GALNT13: variants seen among roughly 807,000 people sequenced by gnomAD.
GALNT13 encodes UDP-GalNAc:polypeptide N-acetylgalactosaminyltransferase 13.
GALNT13 carries 28 observed loss-of-function variants against 64.2 expected under a neutral mutation model. The observed-to-expected ratio is 0.44, with a 90% CI of 0.32 to 0.60. The LOEUF (loss-of-function observed/expected upper bound fraction) is 0.60, where lower values mean the gene tolerates loss of function less well. Ranked by LOEUF, GALNT13 falls within the 20% of genes least tolerant of loss-of-function variation. The pLI is 0.05. For missense variants in GALNT13, 577 were observed against 669.8 expected (o/e 0.86, Z 1.53); for synonymous variants, 214 against 224.6 (o/e 0.95, Z 0.42).
At chr2:153,222,332 T>TGGGGGGGGGGGGGGGGGGGGGGGG in the GALNT13 span, among the ~76,000 whole-genome samples, 3 of 103,788 alleles carry the variant, frequency 2.9e-5, no homozygotes, top group Non-Finnish European at 3.9e-5. Flanking sequence ...GGGGGTGGGG[T>TGGGGGGGGGGGGGGGGGGGGGGGG]GGGGGGGGGG....
chr2:154,227,027 G>A (rs1412249499), intron 4 of GALNT13, among the ~76,000 whole-genome samples: 1 of 152,086 alleles, frequency 6.6e-6, no homozygotes, highest in Admixed American at 6.6e-5. Flanking sequence ...GCAATTATCT[G>A]CATGACTTTC....
At chr2:154,417,893 T>C (rs62172334) in intron 11 of GALNT13, among the ~76,000 whole-genome samples, 59,470 of 151,922 alleles carry the variant, frequency 0.39, 13,016 homozygotes, top group Admixed American at 0.51. Flanking sequence ...TTTTTTCTGC[T>C]TTTCAATATA....
At chr2:154,326,326 C>T (rs1178044780) in intron 9 of GALNT13, among the ~76,000 whole-genome samples, 1 of 95,074 alleles carries the variant, frequency 1.1e-5, no homozygotes, top group Admixed American at 1.2e-4. Flanking sequence ...GGGATTTCTG[C>T]AAAAAAAAAA....
At chr2:153,954,737 A>G (rs1692445918) in intron 3 of GALNT13, among the ~76,000 whole-genome samples, 2 of 152,022 alleles carry the variant, frequency 1.3e-5, no homozygotes, top group Non-Finnish European at 2.9e-5. Context: ...ATACCCATTT[A>G]CAAATGAGAA....
chr2:153,375,145 T>C, the GALNT13 span, among the ~76,000 whole-genome samples: 5 of 152,272 alleles, frequency 3.3e-5, no homozygotes, highest in Non-Finnish European at 4.4e-5. Context: ...CCATGTTTAC[T>C]TTTACTACTT....
chr2:153,618,101 A>G, the GALNT13 span, among the ~76,000 whole-genome samples: 1 of 151,672 alleles, frequency 6.6e-6, no homozygotes. Flanking sequence ...CTAGTTCTTT[A>G]AGATATATTG....
the GALNT13 span, among the ~76,000 whole-genome samples, chr2:153,336,415 C>T: frequency 6.6e-6 from 1 of 152,148 alleles, no homozygotes; most frequent in African/African-American, 2.4e-5. Flanking sequence ...GGAAACCCAC[C>T]TCTTGCATCA....
At chr2:153,074,743 T>C in the GALNT13 span, among the ~76,000 whole-genome samples, 1 of 152,182 alleles carries the variant, frequency 6.6e-6, no homozygotes, top group Non-Finnish European at 1.5e-5. Context: ...TAGTGATTAT[T>C]GATTATTATT....
At chr2:153,438,213 T>A in the GALNT13 span, among the ~76,000 whole-genome samples, 1 of 152,246 alleles carries the variant, frequency 6.6e-6, no homozygotes, top group Admixed American at 6.5e-5. Flanking sequence ...TCTGATGGAC[T>A]TCCCTTTGTG....
At chr2:153,810,408 C>T in the GALNT13 span, among the ~76,000 whole-genome samples, 1 of 152,156 alleles carries the variant, frequency 6.6e-6, no homozygotes, top group Non-Finnish European at 1.5e-5. Flanking sequence ...ATCTACATTA[C>T]ATATTAAGAG....
the GALNT13 span, among the ~76,000 whole-genome samples, chr2:153,651,164 T>A: frequency 2.0e-5 from 3 of 150,358 alleles, no homozygotes; most frequent in African/African-American, 7.4e-5. Context: ...CGTACCACAA[T>A]AAAGTAACAT....
the GALNT13 span, among the ~76,000 whole-genome samples, chr2:153,658,938 T>C: frequency 2.0e-5 from 3 of 152,236 alleles, no homozygotes; most frequent in East Asian, 5.8e-4. Flanking sequence ...CTAATGTACA[T>C]ATATTTGTCA....
chr2:153,441,349 A>G, the GALNT13 span, among the ~76,000 whole-genome samples: 1 of 152,190 alleles, frequency 6.6e-6, no homozygotes, highest in Non-Finnish European at 1.5e-5. Flanking sequence ...TGGTTACTGT[A>G]GCCTTGTAGT....
At chr2:153,217,063 ACTAT>A in the GALNT13 span, among the ~76,000 whole-genome samples, 4 of 151,902 alleles carry the variant, frequency 2.6e-5, no homozygotes, top group African/African-American at 4.8e-5. Context: ...TGTTGAAGAG[ACTAT>A]CTTTTTCCAT....
chr2:153,553,292 A>G, the GALNT13 span, among the ~76,000 whole-genome samples: 1 of 152,054 alleles, frequency 6.6e-6, no homozygotes, highest in Non-Finnish European at 1.5e-5. Context: ...TGAGCCTAGG[A>G]GTTTGCGACC....
intron 4 of GALNT13, among the ~76,000 whole-genome samples, chr2:154,224,298 T>C (rs148649565): frequency 3.5e-4 from 54 of 152,210 alleles, no homozygotes; most frequent in Middle Eastern, 3.4e-3. Context: ...ATTTAAGCTA[T>C]GTGCATTTCA....
intron 4 of GALNT13, among the ~76,000 whole-genome samples, chr2:154,153,930 T>C (rs1684236174): frequency 6.6e-6 from 1 of 152,338 alleles, no homozygotes; most frequent in Admixed American, 6.5e-5. Flanking sequence ...CAGGATGCGC[T>C]GCACCCACTG....
chr2:154,392,118 C>T (rs1228171076), intron 9 of GALNT13, among the ~76,000 whole-genome samples: 1 of 152,090 alleles, frequency 6.6e-6, no homozygotes, highest in Admixed American at 6.5e-5. Context: ...AAAAGTGGGG[C>T]TAGAATGAAG....
intron 8 of GALNT13, among the ~76,000 whole-genome samples, chr2:154,262,848 T>G (rs537907233): frequency 1.3e-5 from 2 of 152,146 alleles, no homozygotes; most frequent in South Asian, 4.1e-4. Flanking sequence ...AGACAAGAAC[T>G]GAGAAATTGA....
Sources: gnomAD v4.1 joint callset for allele counts (sites outside exome capture counted in the v4.1 genomes callset) on GRCh38, gnomAD v4.1.1 for gene constraint, MANE v1.5 for transcripts, NCBI Gene and HGNC (gene_info 2026-07-23, HGNC 2026-07-21) for gene names.